HMCN1: variants seen among roughly 807,000 people sequenced by gnomAD.
The protein encoded by HMCN1 is hemicentin-1.
HMCN1 carries 321 observed loss-of-function variants against 625.9 expected under a neutral mutation model. That is an observed-to-expected ratio of 0.51 (90% CI 0.47 to 0.56). The LOEUF is 0.56. Among genes scored for constraint, HMCN1 ranks in the 20% least tolerant of loss-of-function variants. The probability of loss-of-function intolerance (pLI) is 0.00; values close to 1 mark genes in which losing one functional copy is unlikely to be tolerated. For missense variants in HMCN1, 6,588 were observed against 6,887.3 expected (o/e 0.96, Z 1.54); for synonymous variants, 2,425 against 2,417.6 (o/e 1.00, Z -0.09).
In HMCN1 at chr1:185,925,141, C is replaced by T; in HGVS notation, c.1380C>T (p.Thr460=). The T allele has an allele frequency of 6.2e-7, 1 of 1,613,998 alleles. No homozygotes were observed. Among genetic ancestry groups the T allele is most frequent in the Non-Finnish European group, 8.5e-7 (1 of 1,179,928 alleles). The change falls in exon 9 of 107, where the codon ACC becomes ACT. Residue 460 remains threonine, a synonymous_variant. Coordinates refer to ENST00000271588, the MANE Select transcript of HMCN1 (RefSeq NM_031935.3). ...PCSVDSLLPF[T]LSFVRNGVTL... is the part of the protein sequence containing the mutation. Reference sequence around the variant, plus strand: ...CTGTTGACAGTCTTTTGCCCTTTACCTTGAGCTTTGTCAGAAATGGAGTTA... The same window carrying T: ...CTGTTGACAGTCTTTTGCCCTTTACTTTGAGCTTTGTCAGAAATGGAGTTA...
intron 97 of HMCN1, among the ~76,000 whole-genome samples, chr1:186,157,962 G>A (rs1294943450): frequency 6.6e-6 from 1 of 152,016 alleles, no homozygotes; most frequent in African/African-American, 2.4e-5. Context: ...ACCCAGTAAT[G>A]GGATGGCTGG....
chr1:186,019,042 T>A (rs1251106396), intron 34 of HMCN1, among the ~76,000 whole-genome samples: 1 of 152,010 alleles, frequency 6.6e-6, no homozygotes, highest in Non-Finnish European at 1.5e-5. Flanking sequence ...TTTAGTCCCA[T>A]GTCCTGTGAT....
At chr1:186,108,715 A>C in intron 71 of HMCN1, 118 bp downstream of exon 71, 1 of 1,167,102 alleles carries the variant, frequency 8.6e-7, no homozygotes, top group African/African-American at 1.5e-5. Context: ...TAATTATTCA[A>C]CATTGCAGCA....
At chr1:186,143,133 C>T (rs1448873443) in intron 89 of HMCN1, among the ~76,000 whole-genome samples, 2 of 152,150 alleles carry the variant, frequency 1.3e-5, no homozygotes, top group African/African-American at 4.8e-5. Flanking sequence ...GTCTACAAAG[C>T]ACAAGGATAA....
chr1:185,901,555 T>G (rs76968069), intron 4 of HMCN1, among the ~76,000 whole-genome samples: 1 of 151,858 alleles, frequency 6.6e-6, no homozygotes, highest in East Asian at 1.9e-4. Context: ...CAGAAAAAAT[T>G]GAATGAGGTA....
At chr1:186,074,934 C>A (rs1365468112) in intron 53 of HMCN1, 43 bp downstream of exon 53, 4 of 1,461,096 alleles carry the variant, frequency 2.7e-6, no homozygotes, top group Admixed American at 3.4e-5. Context: ...TTTATATGAT[C>A]TTTCAAAGTA....
chr1:186,119,379 G>T (rs1661287648), intron 78 of HMCN1, 81 bp downstream of exon 78: 12 of 993,008 alleles, frequency 1.2e-5, no homozygotes, highest in Non-Finnish European at 1.8e-5. Context: ...AAGGTGGTAG[G>T]TACTGTCGAG....
intron 1 of HMCN1, among the ~76,000 whole-genome samples, chr1:185,810,149 A>C (rs989018892): frequency 5.9e-5 from 9 of 152,146 alleles, no homozygotes; most frequent in African/African-American, 1.2e-4. Flanking sequence ...CACACTATTA[A>C]ATAGAACGAG....
chr1:186,116,421 A>AAT (rs3057359), intron 75 of HMCN1, among the ~76,000 whole-genome samples: 205 of 148,968 alleles, frequency 1.4e-3, no homozygotes, highest in South Asian at 5.5e-3. Context: ...TTCAAAACTA[A>AAT]ATATATATAT....
At chr1:186,183,801 G>A (rs1653099625) in intron 105 of HMCN1, among the ~76,000 whole-genome samples, 1 of 152,166 alleles carries the variant, frequency 6.6e-6, no homozygotes, top group African/African-American at 2.4e-5. Context: ...AGCACCAGGA[G>A]CATTGCACTG....
Position 185,761,708 on chromosome 1 carries a change from A to G in HMCN1, c.268+26661A>G, listed in dbSNP as rs999862937. ...AGGTTATTATATGAAAGTGTATGAAACATGGCTAAACACAACTCTGCTTTG... is the reference window on the plus strand; with the variant it reads ...AGGTTATTATATGAAAGTGTATGAAGCATGGCTAAACACAACTCTGCTTTG... On this transcript the variant is annotated intron_variant, in intron 1 of 106. Transcript: ENST00000271588. Among the ~76,000 whole-genome samples the G allele has an allele frequency of 2.0e-5, 3 of 152,200 alleles. No individual in the cohort carries two copies. In the South Asian group the frequency reaches 6.2e-4, roughly 31 times the overall value.
chr1:185,878,793 G>A (rs1230290698), intron 4 of HMCN1, among the ~76,000 whole-genome samples: 1 of 152,144 alleles, frequency 6.6e-6, no homozygotes, highest in African/African-American at 2.4e-5. Flanking sequence ...GTTATTAACT[G>A]AATGTTTTGA....
intron 16 of HMCN1, 124 bp from the exon 17 acceptor site, chr1:185,980,854 G>T: frequency 1.3e-6 from 1 of 760,400 alleles, no homozygotes. Context: ...TGGTTTCTGT[G>T]TATGTCCCTT....
chr1:186,040,530 A>G (rs1656136129), intron 39 of HMCN1, among the ~76,000 whole-genome samples: 1 of 152,156 alleles, frequency 6.6e-6, no homozygotes, highest in African/African-American at 2.4e-5. Context: ...ATTTGGGATC[A>G]TAGAAGATCC....
Position 186,086,795 on chromosome 1 carries a change from TGATAGATAGATAGATAGATGATA to T in HMCN1, c.9047-402_9047-380del, listed in dbSNP as rs1251820724. 4.7e-3 allele frequency among the ~76,000 whole-genome samples: 572 copies of T among 121,426 alleles called. 2 individuals are homozygous for T. Among genetic ancestry groups the T allele is most frequent in the African/African-American group, 0.015 (538 of 36,210 alleles). The allele number at this position is 121,426 out of a possible 152,430, so 79.7% of individuals were successfully genotyped here. A position where few individuals can be genotyped will look rare whatever the true frequency, so the allele number is the denominator to read the frequency against. On this transcript the variant is annotated intron_variant, in intron 58 of 106. Transcript: ENST00000271588. ...ATAGGTAGATAGATAGATAGATAGA[TGATAGATAGATAGATAGATGATA>T]GATAGATAGATAGATAGATAGATAG...
chr1:185,938,262 A>G (rs1667917424), intron 11 of HMCN1, among the ~76,000 whole-genome samples: 1 of 152,216 alleles, frequency 6.6e-6, no homozygotes, highest in African/African-American at 2.4e-5. Flanking sequence ...TAGATTAACC[A>G]AGGTAAATGA....
At chr1:185,868,611 C>G (rs1005822149) in intron 4 of HMCN1, among the ~76,000 whole-genome samples, 1 of 152,094 alleles carries the variant, frequency 6.6e-6, no homozygotes, top group Non-Finnish European at 1.5e-5. Flanking sequence ...TCTGAGGCCT[C>G]CCCAACCATG....
At chr1:186,015,620 G>C (rs1654315940) in intron 31 of HMCN1, among the ~76,000 whole-genome samples, 183 bp downstream of exon 31, 1 of 152,102 alleles carries the variant, frequency 6.6e-6, no homozygotes, top group South Asian at 2.1e-4. Context: ...TTAGCAAGAA[G>C]GTGTCCATTC....
intron 10 of HMCN1, among the ~76,000 whole-genome samples, chr1:185,931,348 A>C (rs1172370143): frequency 1.3e-5 from 2 of 152,138 alleles, no homozygotes; most frequent in East Asian, 1.9e-4. Flanking sequence ...GATAATCTGT[A>C]ATCTTGGCCT....
Sources: gnomAD v4.1 joint callset for allele counts (sites outside exome capture counted in the v4.1 genomes callset) on GRCh38, gnomAD v4.1.1 for gene constraint, MANE v1.5 for transcripts, NCBI Gene and HGNC (gene_info 2026-07-23, HGNC 2026-07-21) for gene names.